CNTNAP5: variants seen among roughly 807,000 people sequenced by gnomAD.
CNTNAP5 encodes contactin-associated protein-like 5.
CNTNAP5 carries 72 observed loss-of-function variants against 150.2 expected under a neutral mutation model. The ratio of observed to expected loss-of-function variants is 0.48; its 90% CI spans 0.40 to 0.58. CNTNAP5 has a LOEUF of 0.58. CNTNAP5 is among the 20% of genes least tolerant of loss of function. CNTNAP5 has a pLI of 0.00. For synonymous variants in CNTNAP5, 672 were observed against 619.8 expected, an observed-to-expected ratio of 1.08 and a Z score of -1.25; for missense variants, 1,636 against 1,626.2, an observed-to-expected ratio of 1.01 and a Z score of -0.10.
chr2:124,339,161 C>T (rs1184803081), intron 3 of CNTNAP5, among the ~76,000 whole-genome samples: 1 of 152,216 alleles, frequency 6.6e-6, no homozygotes, highest in East Asian at 1.9e-4. Flanking sequence ...AGTTCTTGGA[C>T]TTTTAAAAAC....
chr2:124,217,437 C>T (rs1686186897), intron 1 of CNTNAP5, among the ~76,000 whole-genome samples: 1 of 152,150 alleles, frequency 6.6e-6, no homozygotes, highest in Non-Finnish European at 1.5e-5. Flanking sequence ...TTGAAGGCTG[C>T]AGGAGCACTG....
intron 19 of CNTNAP5, among the ~76,000 whole-genome samples, chr2:124,816,452 C>A (rs1682362974): frequency 6.6e-6 from 1 of 151,078 alleles, no homozygotes; most frequent in Non-Finnish European, 1.5e-5. Context: ...TTGTGGCACT[C>A]CCTATTGGCC....
intron 1 of CNTNAP5, among the ~76,000 whole-genome samples, chr2:124,055,320 C>T (rs1250863822): frequency 2.0e-5 from 3 of 152,158 alleles, no homozygotes; most frequent in Admixed American, 1.3e-4. Context: ...ACTCTACTTT[C>T]CAACATTCCC....
At chr2:124,711,104 C>G (rs1679797517) in intron 13 of CNTNAP5, among the ~76,000 whole-genome samples, 2 of 151,948 alleles carry the variant, frequency 1.3e-5, no homozygotes. Flanking sequence ...AACCCCATCT[C>G]TACTCAAAAT....
chr2:124,299,575 A>T (rs1239602047), intron 3 of CNTNAP5, among the ~76,000 whole-genome samples: 3 of 151,946 alleles, frequency 2.0e-5, no homozygotes, highest in Non-Finnish European at 2.9e-5. Flanking sequence ...CATTTTCTTT[A>T]TCGAGTCTAT....
intron 1 of CNTNAP5, among the ~76,000 whole-genome samples, chr2:124,070,607 A>G (rs1007664954): frequency 2.0e-5 from 3 of 152,010 alleles, no homozygotes; most frequent in Non-Finnish European, 2.9e-5. Flanking sequence ...AAAGAAGGGC[A>G]TTATATAATG....
intron 1 of CNTNAP5, among the ~76,000 whole-genome samples, chr2:124,032,848 T>C (rs573186465): frequency 5.3e-5 from 8 of 152,348 alleles, no homozygotes; most frequent in Admixed American, 3.9e-4. Flanking sequence ...CATGACATTG[T>C]ATAGCACATG....
intron 13 of CNTNAP5, among the ~76,000 whole-genome samples, chr2:124,701,890 T>G (rs1679529014): frequency 6.6e-6 from 1 of 152,090 alleles, no homozygotes; most frequent in Non-Finnish European, 1.5e-5. Context: ...TACTTTCTCT[T>G]ATGATTGACC....
chr2:124,301,633 C>T (rs961928319), intron 3 of CNTNAP5, among the ~76,000 whole-genome samples: 1 of 152,168 alleles, frequency 6.6e-6, no homozygotes, highest in Non-Finnish European at 1.5e-5. Flanking sequence ...TTCCTAAAAC[C>T]TCATTCCCAA....
At chr2:124,424,345 C>T (rs2104784851) in intron 4 of CNTNAP5, among the ~76,000 whole-genome samples, 1 of 152,308 alleles carries the variant, frequency 6.6e-6, no homozygotes, top group African/African-American at 2.4e-5. Context: ...GTTTACAGCT[C>T]TGTCAGCCCT....
intron 19 of CNTNAP5, among the ~76,000 whole-genome samples, chr2:124,799,513 G>C (rs985149586): frequency 5.9e-5 from 9 of 152,166 alleles, no homozygotes; most frequent in African/African-American, 2.2e-4. Flanking sequence ...GATGGGGCTG[G>C]GCCTTGGCAG....
intron 3 of CNTNAP5, among the ~76,000 whole-genome samples, chr2:124,405,494 C>T (rs1301957990): frequency 2.6e-5 from 4 of 152,184 alleles, no homozygotes; most frequent in South Asian, 2.1e-4. Flanking sequence ...AAAAGGGTCA[C>T]TAGACTCTCA....
intron 4 of CNTNAP5, among the ~76,000 whole-genome samples, chr2:124,423,542 T>A (rs1192540026): frequency 1.3e-5 from 2 of 151,780 alleles, no homozygotes; most frequent in African/African-American, 4.8e-5. Context: ...TATTTTTTAG[T>A]AGAGACGGGG....
chr2:124,751,397 A>G (rs1680725151), intron 14 of CNTNAP5, among the ~76,000 whole-genome samples: 1 of 152,232 alleles, frequency 6.6e-6, no homozygotes, highest in South Asian at 2.1e-4. Context: ...CTTGTATGGA[A>G]ATAACAGTGA....
intron 1 of CNTNAP5, among the ~76,000 whole-genome samples, chr2:124,058,092 C>A (rs1325602238): frequency 1.3e-5 from 2 of 152,000 alleles, no homozygotes; most frequent in Non-Finnish European, 2.9e-5. Flanking sequence ...GGATTGTGAT[C>A]CTGAAACTAC....
chr2:124,090,322 T>G (rs1269159261), intron 1 of CNTNAP5, among the ~76,000 whole-genome samples: 3 of 152,240 alleles, frequency 2.0e-5, no homozygotes, highest in Non-Finnish European at 4.4e-5. Flanking sequence ...ATATTGCTTT[T>G]CTTTAATAAA....
intron 16 of CNTNAP5, among the ~76,000 whole-genome samples, chr2:124,767,163 C>T (rs1296484548): frequency 6.6e-6 from 1 of 152,132 alleles, no homozygotes; most frequent in Non-Finnish European, 1.5e-5. Flanking sequence ...TTAACAGATG[C>T]AGTGGCTCAG....
chr2:124,715,399 C>T (rs12468616), intron 13 of CNTNAP5, among the ~76,000 whole-genome samples: 24,735 of 152,028 alleles, frequency 0.16, 2,284 homozygotes, highest in East Asian at 0.24. Context: ...GGTTCAGACT[C>T]CTCACTCATT....
intron 10 of CNTNAP5, among the ~76,000 whole-genome samples, chr2:124,562,708 A>AT (rs1695921881): frequency 6.6e-6 from 1 of 152,166 alleles, no homozygotes; most frequent in South Asian, 2.1e-4. Flanking sequence ...ATACCCTTGC[A>AT]TTTTAGATGA....
Sources: gnomAD v4.1 joint callset for allele counts (sites outside exome capture counted in the v4.1 genomes callset) on GRCh38, gnomAD v4.1.1 for gene constraint, MANE v1.5 for transcripts, NCBI Gene and HGNC (gene_info 2026-07-23, HGNC 2026-07-21) for gene names.